Variants in EXOC3L2 observed in about 807,000 individuals in gnomAD.
The protein encoded by EXOC3L2 is exocyst complex component 3 like 2.
EXOC3L2 carries 17 observed loss-of-function variants against 44.4 expected under a neutral mutation model. The observed-to-expected ratio is 0.38, with a 90% CI of 0.26 to 0.57. EXOC3L2 has a LOEUF of 0.57. Ranked by LOEUF, EXOC3L2 falls within the 20% of genes least tolerant of loss-of-function variation. The probability of loss-of-function intolerance (pLI) is 0.65; values close to 1 mark genes in which losing one functional copy is unlikely to be tolerated. For missense variants in EXOC3L2, 541 were observed against 588.4 expected (o/e 0.92, Z 0.83); for synonymous variants, 256 against 253.7 (o/e 1.01, Z -0.09).
intron 11 of EXOC3L2, 52 bp from the exon 12 acceptor site, chr19:45,213,409 C>T: frequency 1.3e-6 from 2 of 1,594,334 alleles, no homozygotes; most frequent in Non-Finnish European, 1.7e-6. Context: ...TCTAGACACA[C>T]ACCCAACCCA....
intron 4 of EXOC3L2, among the ~76,000 whole-genome samples, chr19:45,229,361 A>C (rs1161194612): frequency 1.4e-5 from 2 of 143,114 alleles, no homozygotes; most frequent in African/African-American, 2.5e-5. Flanking sequence ...TTATATATGT[A>C]ATATATTTAT....
intron 8 of EXOC3L2, 68 bp downstream of exon 8, chr19:45,224,710 A>AGGATG: frequency 6.6e-7 from 1 of 1,508,858 alleles, no homozygotes; most frequent in Non-Finnish European, 8.9e-7. Context: ...AAGGAACTGG[A>AGGATG]GGATGGTGGG....
rs146991247 is a variant in EXOC3L2, at chr19:45,230,956, G to A, written c.1269+807C>T. Among the ~76,000 whole-genome samples, 58 of 151,972 alleles carry A rather than the reference G, an allele frequency of 3.8e-4. No homozygotes were observed. In the East Asian group the frequency reaches 9.3e-3, roughly 24 times the overall value. On this transcript the variant is annotated intron_variant, in intron 4 of 11. Coordinates refer to ENST00000413988, the MANE Select transcript of EXOC3L2 (RefSeq NM_001382422.1). Reference sequence around the variant, plus strand: ...TTTTTTAAATTATCCAGGCATGGTGGTGTGTGCCTGTAATCCCAGCTACTC... The same window carrying A: ...TTTTTTAAATTATCCAGGCATGGTGATGTGTGCCTGTAATCCCAGCTACTC...
At chr19:45,221,743 G>C (rs1969900877) in intron 8 of EXOC3L2, among the ~76,000 whole-genome samples, 2 of 150,236 alleles carry the variant, frequency 1.3e-5, no homozygotes. Context: ...AACTTCCTGG[G>C]ATCAAGCGAT....
At position 45,213,079 on chromosome 19, in the gene EXOC3L2, G is replaced by A. The variant is rs776620722; in HGVS notation, c.2399C>T (p.Ala800Val). ...GCGGTTGGGTGACCCTCAGCGCTGG[G>A]CCCGAGGTCGCGCTAGAGACGGAGG... ...PRPPSLARPRAQR is the reference protein window; with the variant it reads ...PRPPSLARPRVQR Residue 800 changes from alanine to valine, a missense_variant, in exon 12 of 12, where the codon GCC becomes GTC. Physicochemically the swap from Ala to Val is moderately conservative, Grantham distance 64. Transcript: ENST00000413988. 8.0e-6 allele frequency: 12 copies of A among 1,501,172 alleles called. No homozygotes were observed. The highest frequency in any genetic ancestry group is 9.7e-6 in the Non-Finnish European group (11 of 1,130,462). 93.0% of individuals were successfully genotyped at this position (1,501,172 alleles called of 1,614,324 possible).
chr19:45,231,715 C>T (rs776353432), intron 4 of EXOC3L2, 48 bp downstream of exon 4: 84 of 1,518,612 alleles, frequency 5.5e-5, no homozygotes, highest in Non-Finnish European at 6.7e-5. Flanking sequence ...ACTGTGACCC[C>T]CTCCCTCCAC....
chr19:45,215,509 T>C (rs1181638666), intron 11 of EXOC3L2, among the ~76,000 whole-genome samples: 1 of 152,106 alleles, frequency 6.6e-6, no homozygotes, highest in Non-Finnish European at 1.5e-5. Context: ...AAGATGCTTA[T>C]TTAGGTCTGA....
chr19:45,218,353 T>TTGCCCCCCCCC, intron 8 of EXOC3L2, 34 bp from the exon 9 acceptor site: 1 of 1,495,232 alleles, frequency 6.7e-7, no homozygotes, highest in Non-Finnish European at 9.1e-7. Context: ...CACGCTCTCC[T>TTGCCCCCCCCC]CCCTCCCACC....
chr19:45,235,258 G>A (rs965101658), intron 2 of EXOC3L2, among the ~76,000 whole-genome samples: 2 of 152,112 alleles, frequency 1.3e-5, no homozygotes, highest in Admixed American at 1.3e-4. Context: ...TCGCGCCACT[G>A]CACCCCAGCC....
chr19:45,231,445 G>A (rs377720433), intron 4 of EXOC3L2, among the ~76,000 whole-genome samples: 16 of 114,396 alleles, frequency 1.4e-4, no homozygotes, highest in Middle Eastern at 0.02. Flanking sequence ...GCAACAGAGC[G>A]AGACCCTGCC....
rs1263604709 is a variant in EXOC3L2 at position 45,216,808 on chromosome 19, G to A, written c.1999-614C>T. ...CCTGCATTCTTTCTTACATCTGCATGTGAATCTACAATTATCTCAAAAATT... is the reference window on the plus strand; with the variant it reads ...CCTGCATTCTTTCTTACATCTGCATATGAATCTACAATTATCTCAAAAATT... On this transcript the variant is annotated intron_variant, in intron 10 of 11. Transcript: ENST00000413988. 3 of 152,114 alleles carry A rather than the reference G, an allele frequency of 2.0e-5. No homozygotes were observed. The East Asian group carries it at 5.8e-4, about 29-fold the overall frequency. The allele number at this position is 152,114 out of a possible 1,614,324, so 9.4% of individuals were successfully genotyped here.
In EXOC3L2 at chr19:45,217,549, C is replaced by T; in HGVS notation, c.1977G>A (p.Leu659=). 6.4e-7 allele frequency: 1 copy of T among 1,574,354 alleles called. No individual in the cohort carries two copies. The part of the protein sequence containing the change: ...AGRLREDAAQ[L]QRLFRRLESQ... Reference sequence around the variant, plus strand: ...TGACCAGCCGCCGGAACAGCCTCTGCAGTTGCGCCGCGTCCTCCCGGAGCC... The same window carrying T: ...TGACCAGCCGCCGGAACAGCCTCTGTAGTTGCGCCGCGTCCTCCCGGAGCC... Residue 659 remains leucine, a synonymous_variant, in exon 10 of 12, where the codon CTG becomes CTA. Transcript: ENST00000413988.
At chr19:45,215,164 C>T (rs1038830571) in intron 11 of EXOC3L2, among the ~76,000 whole-genome samples, 2 of 151,906 alleles carry the variant, frequency 1.3e-5, no homozygotes, top group African/African-American at 4.8e-5. Context: ...AAACAAACAA[C>T]AACAAAATAC....
At chr19:45,243,468 CT>C (rs1336174287) in intron 1 of EXOC3L2, among the ~76,000 whole-genome samples, 1 of 152,174 alleles carries the variant, frequency 6.6e-6, no homozygotes, top group African/African-American at 2.4e-5. Context: ...CTTCTCAACC[CT>C]CCAGTTCCTA....
chr19:45,219,002 G>C (rs989496190), intron 8 of EXOC3L2, among the ~76,000 whole-genome samples: 1 of 152,064 alleles, frequency 6.6e-6, no homozygotes, highest in South Asian at 2.1e-4. Flanking sequence ...ACTTTGGAAG[G>C]CTGCGGCGGG....
At chr19:45,230,164 G>A (rs888375244) in intron 4 of EXOC3L2, among the ~76,000 whole-genome samples, 1 of 151,508 alleles carries the variant, frequency 6.6e-6, no homozygotes, top group Admixed American at 6.6e-5. Context: ...GAGACTACAG[G>A]CACGTGCCAC....
chr19:45,226,747 C>CTTCTTTTTTTTTTTTTTTTT (rs1969965305), intron 7 of EXOC3L2, among the ~76,000 whole-genome samples: 1 of 90,654 alleles, frequency 1.1e-5, no homozygotes, highest in African/African-American at 6.1e-5. Flanking sequence ...ACTCCCATCT[C>CTTCTTTTTTTTTTTTTTTTT]TTTTTTTTTT....
chr19:45,228,798 G>T (rs867807079), intron 4 of EXOC3L2, among the ~76,000 whole-genome samples: 1 of 148,736 alleles, frequency 6.7e-6, no homozygotes, highest in African/African-American at 2.5e-5. Context: ...TAGGCTGGGC[G>T]CGGTGGCTCA....
intron 2 of EXOC3L2, among the ~76,000 whole-genome samples, chr19:45,236,725 G>A (rs1182934016): frequency 3.9e-5 from 6 of 151,966 alleles, no homozygotes; most frequent in Non-Finnish European, 7.4e-5. Flanking sequence ...GGCCAGGTGC[G>A]GTGACTCATG....
Sources: allele counts gnomAD v4.1 joint callset (sites outside exome capture counted in the v4.1 genomes callset), GRCh38; gene constraint gnomAD v4.1.1; transcripts MANE v1.5; gene names NCBI Gene and HGNC (gene_info 2026-07-23, HGNC 2026-07-21).